FBXL2: variants seen among roughly 807,000 people sequenced by gnomAD.
FBXL2 encodes the protein F-box/LRR-repeat protein 2.
In FBXL2, 38 loss-of-function variants were observed where a neutral mutation model predicts 69.2. The ratio of observed to expected loss-of-function variants is 0.55; its 90% CI spans 0.42 to 0.72. The LOEUF is 0.72. Among genes scored for constraint, FBXL2 ranks in the 30% least tolerant of loss-of-function variants. The pLI, the probability that FBXL2 is intolerant of heterozygous loss-of-function variation, is 0.00. For missense variants in FBXL2, 354 were observed against 520.3 expected (o/e 0.68, Z 3.11); for synonymous variants, 192 against 201.3 (o/e 0.95, Z 0.39).
At chr3:33,347,717 ACTGGGG>A (rs2040548746) in intron 2 of FBXL2, among the ~76,000 whole-genome samples, 1 of 152,042 alleles carries the variant, frequency 6.6e-6, no homozygotes, top group African/African-American at 2.4e-5. Flanking sequence ...AGTCATTTTA[ACTGGGG>A]TGAAATGATA....
At chr3:33,358,550 A>G (rs998049883) in intron 2 of FBXL2, among the ~76,000 whole-genome samples, 1 of 152,184 alleles carries the variant, frequency 6.6e-6, no homozygotes, top group Non-Finnish European at 1.5e-5. Flanking sequence ...AGGCAAACAA[A>G]TACTTCAAAC....
At chr3:33,345,651 G>T (rs1231128206) in intron 2 of FBXL2, among the ~76,000 whole-genome samples, 1 of 152,076 alleles carries the variant, frequency 6.6e-6, no homozygotes, top group Non-Finnish European at 1.5e-5. Flanking sequence ...CACATTCTAA[G>T]TCATAAAACA....
intron 2 of FBXL2, among the ~76,000 whole-genome samples, chr3:33,339,338 T>G (rs1273623295): frequency 3.9e-5 from 6 of 152,200 alleles, no homozygotes; most frequent in Non-Finnish European, 8.8e-5. Context: ...GACTGTAAAC[T>G]AGTTCAGCCA....
the FBXL2 span, among the ~76,000 whole-genome samples, chr3:33,410,606 T>C: frequency 6.6e-6 from 1 of 152,224 alleles, no homozygotes; most frequent in African/African-American, 2.4e-5. Context: ...CTTTTCTATA[T>C]ATTACCTACC....
chr3:33,411,682 G>C, the FBXL2 span: 1 of 1,612,520 alleles, frequency 6.2e-7, no homozygotes, highest in Non-Finnish European at 8.5e-7. Context: ...ACAGACATTG[G>C]AATATCTATG....
At chr3:33,332,931 C>T (rs1031041481) in intron 2 of FBXL2, among the ~76,000 whole-genome samples, 12 of 152,218 alleles carry the variant, frequency 7.9e-5, no homozygotes, top group South Asian at 4.2e-4. Context: ...GAAAGGACTA[C>T]GGATACATGT....
chr3:33,320,883 C>A (rs553013450), intron 2 of FBXL2, among the ~76,000 whole-genome samples: 2 of 151,800 alleles, frequency 1.3e-5, no homozygotes, highest in Non-Finnish European at 2.9e-5. Context: ...CAAAAAACAC[C>A]CTGAAAATTG....
At chr3:33,368,244 A>G (rs182200370) in intron 5 of FBXL2, among the ~76,000 whole-genome samples, 20 of 152,340 alleles carry the variant, frequency 1.3e-4, no homozygotes, top group Non-Finnish European at 1.6e-4. Flanking sequence ...CAGATCTTCT[A>G]TATTCTTACT....
intron 1 of FBXL2, among the ~76,000 whole-genome samples, chr3:33,290,748 G>T (rs1559493807): frequency 6.6e-6 from 1 of 152,098 alleles, no homozygotes; most frequent in Non-Finnish European, 1.5e-5. Context: ...AGAGTTCAAG[G>T]AGTGGAGGAA....
intron 2 of FBXL2, among the ~76,000 whole-genome samples, chr3:33,323,022 T>C (rs2038369784): frequency 6.6e-6 from 1 of 152,218 alleles, no homozygotes; most frequent in Admixed American, 6.5e-5. Context: ...CCATTTGCTG[T>C]GTTCCAGCCT....
chr3:33,356,523 T>C (rs558989401), intron 2 of FBXL2, among the ~76,000 whole-genome samples: 2 of 152,208 alleles, frequency 1.3e-5, no homozygotes, highest in Non-Finnish European at 2.9e-5. Context: ...CTAATTTTTA[T>C]ATTTTTAGTA....
At chr3:33,346,180 C>T (rs1227966918) in intron 2 of FBXL2, among the ~76,000 whole-genome samples, 1 of 152,020 alleles carries the variant, frequency 6.6e-6, no homozygotes, top group Non-Finnish European at 1.5e-5. Context: ...AAGCTGAGAT[C>T]GTGCCATTGC....
intron 2 of FBXL2, among the ~76,000 whole-genome samples, chr3:33,344,484 G>A (rs1003435210): frequency 1.1e-4 from 16 of 152,038 alleles, no homozygotes; most frequent in African/African-American, 3.9e-4. Flanking sequence ...AGAATAAAGA[G>A]TATAGTAACA....
chr3:33,371,166 ATT>A (rs56918562), intron 5 of FBXL2, among the ~76,000 whole-genome samples: 10 of 130,670 alleles, frequency 7.7e-5, no homozygotes, highest in Admixed American at 2.4e-4. Flanking sequence ...TGTGGTTTTC[ATT>A]TTTTTTTTTT....
At chr3:33,293,709 A>G (rs896020964) in intron 1 of FBXL2, among the ~76,000 whole-genome samples, 2 of 152,184 alleles carry the variant, frequency 1.3e-5, no homozygotes, top group Non-Finnish European at 2.9e-5. Context: ...ATAACAGAAA[A>G]TAAGCCAATT....
intron 2 of FBXL2, among the ~76,000 whole-genome samples, chr3:33,329,736 A>G (rs1297052089): frequency 6.6e-6 from 1 of 152,186 alleles, no homozygotes. Context: ...TCACGCTTGT[A>G]ATCCCAGCAC....
At chr3:33,344,321 T>C (rs1437612095) in intron 2 of FBXL2, among the ~76,000 whole-genome samples, 1 of 152,104 alleles carries the variant, frequency 6.6e-6, no homozygotes, top group African/African-American at 2.4e-5. Flanking sequence ...ATTTAACAAA[T>C]TGATTTTCAT....
chr3:33,402,932 T>C (rs2154056329), intron 12 of FBXL2: 1 of 1,540,840 alleles, frequency 6.5e-7, no homozygotes, highest in Non-Finnish European at 8.9e-7. Context: ...AATAAATTAG[T>C]GATATGCTTT....
intron 2 of FBXL2, among the ~76,000 whole-genome samples, chr3:33,311,473 A>AT (rs919262052): frequency 1.1e-4 from 17 of 149,902 alleles, no homozygotes; most frequent in African/African-American, 3.9e-4. Flanking sequence ...ACTCTTTTTC[A>AT]TTTTTTTTCC....
Sources: allele counts gnomAD v4.1 joint callset (sites outside exome capture counted in the v4.1 genomes callset), GRCh38; gene constraint gnomAD v4.1.1; transcripts MANE v1.5; gene names NCBI Gene and HGNC (gene_info 2026-07-23, HGNC 2026-07-21).